HOXC5: variants seen among roughly 807,000 people sequenced by gnomAD.
HOXC5 encodes the protein homeobox protein Hox-C5.
Under a neutral mutation model 20.1 loss-of-function variants are expected in HOXC5, and 19 were observed. The observed-to-expected ratio is 0.94, with a 90% confidence interval of 0.66 to 1.38. The LOEUF (loss-of-function observed/expected upper bound fraction) is 1.38, where lower values mean the gene tolerates loss of function less well. HOXC5 is among the 40% of genes most tolerant of loss of function. The pLI is 0.00. For synonymous variants in HOXC5, 124 were observed against 117.0 expected, an observed-to-expected ratio of 1.06 and a Z score of -0.39; for missense variants, 330 against 300.1, an observed-to-expected ratio of 1.10 and a Z score of -0.74.
At chr12:54,024,879 CT>C in the HOXC5 span, among the ~76,000 whole-genome samples, 3 of 152,230 alleles carry the variant, frequency 2.0e-5, no homozygotes, top group African/African-American at 7.2e-5. Context: ...ATAATTAGCG[CT>C]ATCAAAAGCA....
chr12:54,019,241 T>A, the HOXC5 span, among the ~76,000 whole-genome samples: 1 of 133,442 alleles, frequency 7.5e-6, no homozygotes, highest in African/African-American at 2.8e-5. Flanking sequence ...TAATTTCGCT[T>A]TCCTTGTTTA....
chr12:54,034,155 C>A, intron 1 of HOXC5, 123 bp from the exon 2 acceptor site: 1 of 960,554 alleles, frequency 1.0e-6, no homozygotes, highest in Non-Finnish European at 1.7e-6. Context: ...CCCGCGTGGC[C>A]TGTCTTGCGG....
upstream of HOXC5, chr12:54,029,930 G>T (rs777858592): frequency 1.7e-5 from 27 of 1,596,094 alleles, no homozygotes; most frequent in Non-Finnish European, 2.1e-5. Flanking sequence ...GGAAAAGCGG[G>T]AAGAGACAGA....
At chr12:54,033,012 C>T (rs1941044924), upstream of HOXC5, 1 of 796,918 alleles carries the variant, frequency 1.3e-6, no homozygotes, top group South Asian at 1.8e-5. Flanking sequence ...AAAGAGATAT[C>T]TCCACCTATA....
chr12:54,034,054 C>A (rs1188198680), intron 1 of HOXC5: 2 of 705,726 alleles, frequency 2.8e-6, no homozygotes, highest in Admixed American at 2.0e-5. Flanking sequence ...CCCTCAGCCC[C>A]TCCGGCTGCA....
upstream of HOXC5, chr12:54,028,438 C>T (rs767009036): frequency 1.9e-5 from 28 of 1,449,392 alleles, no homozygotes; most frequent in Non-Finnish European, 2.4e-5. Flanking sequence ...GGAGCCGTCC[C>T]TATAACCATC....
At chr12:54,030,020 C>A, upstream of HOXC5, 1 of 1,390,130 alleles carries the variant, frequency 7.2e-7, no homozygotes, top group Non-Finnish European at 9.6e-7. Context: ...ACCAACTCTC[C>A]CCTAATCACA....
the HOXC5 span, chr12:54,021,909 C>G: frequency 6.6e-6 from 1 of 152,460 alleles, no homozygotes; most frequent in Admixed American, 6.5e-5. Context: ...ACTCCCTCCC[C>G]TTTCCAGCAA....
At chr12:54,028,647 G>A (rs1378028513), upstream of HOXC5, 10 of 1,614,010 alleles carry the variant, frequency 6.2e-6, no homozygotes, top group Admixed American at 1.7e-5. Context: ...CCTATGGAGC[G>A]GCCGTTGCCC....
At chr12:54,031,253 G>T (rs1940974207), upstream of HOXC5, among the ~76,000 whole-genome samples, 1 of 152,210 alleles carries the variant, frequency 6.6e-6, no homozygotes, top group African/African-American at 2.4e-5. Context: ...GGAGGCGGGG[G>T]GCGCCGTGAG....
At chr12:54,033,627 G>A in intron 1 of HOXC5, 51 bp downstream of exon 1, 1 of 1,386,712 alleles carries the variant, frequency 7.2e-7, no homozygotes, top group Non-Finnish European at 9.6e-7. Context: ...GGGTTTTATA[G>A]GCCATGCGGG....
At chr12:54,025,535 G>C in the HOXC5 span, among the ~76,000 whole-genome samples, 5 of 103,466 alleles carry the variant, frequency 4.8e-5, no homozygotes, top group African/African-American at 1.8e-4. Flanking sequence ...ATTGGGGGGG[G>C]GGGAGGTGTT....
chr12:54,030,721 T>C (rs961217135), upstream of HOXC5: 2 of 152,312 alleles, frequency 1.3e-5, no homozygotes, highest in African/African-American at 4.8e-5. Flanking sequence ...TAGGAGAAAA[T>C]AAATAAATAA....
At chr12:54,022,200 G>C in the HOXC5 span, 1 of 152,124 alleles carries the variant, frequency 6.6e-6, no homozygotes, top group Non-Finnish European at 1.5e-5. Flanking sequence ...CTTTCTGCAG[G>C]AGTTTCCCTG....
At chr12:54,024,348 C>T in the HOXC5 span, among the ~76,000 whole-genome samples, 1 of 152,100 alleles carries the variant, frequency 6.6e-6, no homozygotes. Context: ...CTTGGGTCCC[C>T]GAGCAGCCTC....
At chr12:54,019,184 C>A in the HOXC5 span, among the ~76,000 whole-genome samples, 2 of 136,208 alleles carry the variant, frequency 1.5e-5, no homozygotes, top group African/African-American at 5.3e-5. Context: ...CCCACCCCCC[C>A]ACCCCCAGTA....
Position 54,034,630 on chromosome 12 carries a change from C to G in HOXC5, c.*138C>G. On this transcript the variant is annotated 3_prime_UTR_variant, in exon 2 of 2. Transcript: ENST00000312492. ...GGCTCCCGGGCCCCACAGACAAAAGCGCTTTTCCTTGGCATTCCGCATCCC... is the reference window on the plus strand; with the variant it reads ...GGCTCCCGGGCCCCACAGACAAAAGGGCTTTTCCTTGGCATTCCGCATCCC... 1.4e-6 allele frequency: 1 copy of G among 719,566 alleles called. No individual in the cohort carries two copies. The highest frequency in any genetic ancestry group is 2.3e-6 in the Non-Finnish European group (1 of 440,090). The allele number at this position is 719,566 out of a possible 1,614,324, so 44.6% of individuals were successfully genotyped here.
chr12:54,034,858 C>G lies in HOXC5; in HGVS notation c.*366C>G, dbSNP rs1941141408. On this transcript the variant is annotated 3_prime_UTR_variant, in exon 2 of 2. Coordinates refer to ENST00000312492, the MANE Select transcript of HOXC5 (RefSeq NM_018953.4). Reference sequence around the variant, plus strand: ...GCGGCCCTCCCGAGTTAAGGTGGGCCCGGCCCGCGCCACAGGACCCTCGCC... The same window carrying G: ...GCGGCCCTCCCGAGTTAAGGTGGGCGCGGCCCGCGCCACAGGACCCTCGCC... 1.0e-5 allele frequency: 3 copies of G among 290,678 alleles called. No homozygotes were observed. In the Admixed American group the frequency reaches 1.4e-4, roughly 13 times the overall value. 18.0% of individuals were successfully genotyped at this position (290,678 alleles called of 1,614,324 possible).
At chr12:54,027,471 A>C in the HOXC5 span, among the ~76,000 whole-genome samples, 10,261 of 152,230 alleles carry the variant, frequency 0.067, 840 homozygotes, top group East Asian at 0.2. Flanking sequence ...ATTACCCCAC[A>C]GGCCCTCACT....
Sources: gnomAD v4.1 joint callset for allele counts (sites outside exome capture counted in the v4.1 genomes callset) on GRCh38, gnomAD v4.1.1 for gene constraint, MANE v1.5 for transcripts, NCBI Gene and HGNC (gene_info 2026-07-23, HGNC 2026-07-21) for gene names.